Variants in GAS7 observed in about 807,000 individuals in gnomAD.
GAS7 encodes the protein growth arrest-specific protein 7.
Under a neutral mutation model 71.1 loss-of-function variants are expected in GAS7, and 28 were observed. The ratio of observed to expected loss-of-function variants is 0.39; its 90% CI spans 0.29 to 0.54. GAS7 has a LOEUF of 0.54. Among genes scored for constraint, GAS7 ranks in the 20% least tolerant of loss-of-function variants. GAS7 has a pLI of 0.62. For synonymous variants in GAS7, 258 were observed against 245.8 expected, an observed-to-expected ratio of 1.05 and a Z score of -0.46; for missense variants, 436 against 627.8, an observed-to-expected ratio of 0.69 and a Z score of 3.27.
intron 1 of GAS7, chr17:10,059,801 A>C (rs2073198681): frequency 4.1e-6 from 4 of 985,188 alleles, no homozygotes; most frequent in Non-Finnish European, 4.8e-6. Context: ...TGTGCAAAGC[A>C]GCATTTATAT....
intron 4 of GAS7, among the ~76,000 whole-genome samples, chr17:9,966,280 G>A (rs995240442): frequency 6.7e-6 from 1 of 150,086 alleles, no homozygotes; most frequent in East Asian, 2.0e-4. Context: ...TTACAGGCTT[G>A]AGCCACCACG....
At chr17:10,132,594 C>T (rs1458758265) in intron 1 of GAS7, among the ~76,000 whole-genome samples, 4 of 152,050 alleles carry the variant, frequency 2.6e-5, no homozygotes, top group African/African-American at 7.2e-5. Context: ...GGCGAAACCC[C>T]GTCTCTACTA....
At chr17:9,922,074 G>A (rs72824222) in intron 11 of GAS7, among the ~76,000 whole-genome samples, 1 of 152,212 alleles carries the variant, frequency 6.6e-6, no homozygotes, top group Non-Finnish European at 1.5e-5. Flanking sequence ...CTGTAAAATG[G>A]AGATAACGAT....
At chr17:10,085,736 C>T (rs892365763) in intron 1 of GAS7, among the ~76,000 whole-genome samples, 3 of 149,448 alleles carry the variant, frequency 2.0e-5, no homozygotes, top group African/African-American at 7.4e-5. Context: ...GAAAGAGGAA[C>T]CATCCCTTAC....
chr17:10,173,175 C>A (rs553108094), intron 1 of GAS7, among the ~76,000 whole-genome samples: 4 of 152,046 alleles, frequency 2.6e-5, no homozygotes, highest in African/African-American at 7.2e-5. Context: ...ATGCTGGGGG[C>A]GGGCGAAGGG....
chr17:9,988,757 G>A (rs2070733516), intron 2 of GAS7, among the ~76,000 whole-genome samples: 1 of 151,718 alleles, frequency 6.6e-6, no homozygotes. Flanking sequence ...ACTCTCTGAA[G>A]AACCATTTAC....
chr17:9,928,571 ACC>A (rs1242389363), intron 9 of GAS7, among the ~76,000 whole-genome samples: 58 of 152,022 alleles, frequency 3.8e-4, no homozygotes, highest in African/African-American at 1.4e-3. Flanking sequence ...ATCTGCCTCC[ACC>A]GGTCTTAGAG....
At chr17:10,162,545 C>T (rs2074264645) in intron 1 of GAS7, among the ~76,000 whole-genome samples, 1 of 152,120 alleles carries the variant, frequency 6.6e-6, no homozygotes, top group Non-Finnish European at 1.5e-5. Flanking sequence ...GTTTGCTCCA[C>T]GAGTCACTTT....
intron 1 of GAS7, among the ~76,000 whole-genome samples, chr17:10,132,671 G>A (rs1340792433): frequency 1.3e-5 from 2 of 152,058 alleles, no homozygotes; most frequent in African/African-American, 4.8e-5. Flanking sequence ...GGGAGGCTGA[G>A]GCACGAGAGT....
chr17:10,158,336 T>TTAAAAAAAA (rs532036477), intron 1 of GAS7, among the ~76,000 whole-genome samples: 1 of 83,400 alleles, frequency 1.2e-5, no homozygotes, highest in African/African-American at 4.2e-5. Context: ...CTTTTTTTGG[T>TTAAAAAAAA]AAAAAAAAAA....
intron 2 of GAS7, among the ~76,000 whole-genome samples, chr17:9,996,381 G>T (rs532830332): frequency 1.5e-3 from 217 of 148,050 alleles, no homozygotes; most frequent in African/African-American, 5.3e-3. Flanking sequence ...TGAGAACACA[G>T]GGACACAGGA....
intron 1 of GAS7, among the ~76,000 whole-genome samples, chr17:10,040,424 T>C (rs1248646558): frequency 6.6e-6 from 1 of 152,170 alleles, no homozygotes; most frequent in East Asian, 1.9e-4. Context: ...ATTTCGATTC[T>C]ATAAAGGAGA....
chr17:10,180,280 G>A (rs1313775463), intron 1 of GAS7, among the ~76,000 whole-genome samples: 1 of 146,866 alleles, frequency 6.8e-6, no homozygotes, highest in South Asian at 2.1e-4. Context: ...GGCGGAGGTT[G>A]CAGTGAGCCA....
intron 1 of GAS7, among the ~76,000 whole-genome samples, chr17:10,183,468 G>C (rs1478238268): frequency 6.6e-6 from 1 of 152,184 alleles, no homozygotes; most frequent in Non-Finnish European, 1.5e-5. Context: ...TGCACTTACA[G>C]AGTGTGTGTG....
intron 2 of GAS7, among the ~76,000 whole-genome samples, chr17:10,005,190 CACGCATGCATG>C: frequency 9.9e-6 from 1 of 101,420 alleles, no homozygotes; most frequent in African/African-American, 7.4e-5. Flanking sequence ...TGTGTATGTG[CACGCATGCATG>C]TGTGTGCATG....
chr17:10,161,545 C>T (rs963044917), intron 1 of GAS7, among the ~76,000 whole-genome samples: 4 of 152,198 alleles, frequency 2.6e-5, no homozygotes, highest in Admixed American at 2.0e-4. Flanking sequence ...ACCATGTCAA[C>T]GGGAAAGGAA....
chr17:9,918,943 A>G (rs759914277), intron 12 of GAS7, among the ~76,000 whole-genome samples: 12 of 152,242 alleles, frequency 7.9e-5, no homozygotes, highest in Non-Finnish European at 1.6e-4. Context: ...TGGTGGGCTG[A>G]CACCTGGGGA....
intron 6 of GAS7, 58 bp downstream of exon 6, chr17:9,946,836 G>C (rs1256320429): frequency 9.3e-7 from 1 of 1,074,100 alleles, no homozygotes; most frequent in African/African-American, 1.6e-5. Flanking sequence ...TACCCATCCT[G>C]GGTGTCCACT....
At chr17:9,964,497 G>C (rs1002282639) in intron 4 of GAS7, among the ~76,000 whole-genome samples, 19 of 152,098 alleles carry the variant, frequency 1.2e-4, no homozygotes, top group African/African-American at 4.1e-4. Flanking sequence ...AGCCACACTG[G>C]GTCTCTATGC....
Sources: gnomAD v4.1 joint callset for allele counts (sites outside exome capture counted in the v4.1 genomes callset) on GRCh38, gnomAD v4.1.1 for gene constraint, MANE v1.5 for transcripts, NCBI Gene and HGNC (gene_info 2026-07-23, HGNC 2026-07-21) for gene names.